The following EXD2 variants were observed in gnomAD, a reference collection of about 807,000 sequenced individuals.
The protein encoded by EXD2 is exonuclease 3'-5' domain-containing protein 2.
In EXD2, 40 loss-of-function variants were observed where a neutral mutation model predicts 62.5. That is an observed-to-expected ratio of 0.64 (90% confidence interval 0.50 to 0.83). The LOEUF is 0.83. Among genes scored for constraint, EXD2 ranks in the 40% least tolerant of loss-of-function variants. The pLI, the probability that EXD2 is intolerant of heterozygous loss-of-function variation, is 0.00. For synonymous variants in EXD2, 239 were observed against 291.9 expected, an observed-to-expected ratio of 0.82 and a Z score of 1.85; for missense variants, 671 against 761.8, an observed-to-expected ratio of 0.88 and a Z score of 1.40.
At chr14:69,233,167 G>A (rs901604928) in intron 5 of EXD2, among the ~76,000 whole-genome samples, 4 of 152,112 alleles carry the variant, frequency 2.6e-5, no homozygotes, top group African/African-American at 9.7e-5. Context: ...GAACTCTAAA[G>A]TCTTCTCATT....
chr14:69,210,230 T>C (rs560510783), intron 3 of EXD2: 4 of 156,094 alleles, frequency 2.6e-5, no homozygotes, highest in African/African-American at 9.6e-5. Context: ...TTAGCCACTG[T>C]TAATATTTGT....
chr14:69,236,394 C>T lies in EXD2; in HGVS notation c.1157-13C>T. 1 of 1,614,094 alleles carries T rather than the reference C, an allele frequency of 6.2e-7. No homozygotes were observed. Among genetic ancestry groups the T allele is most frequent in the Non-Finnish European group, 8.5e-7 (1 of 1,180,006 alleles). On this transcript the variant is annotated splice_polypyrimidine_tract_variant and intron_variant, in intron 7 of 9. Transcript: ENST00000685843. ...AGGGGGAGCAGTCAAACACTGATGTCTCTTCTCTTAAGAGCTGGTGAGTGA... is the reference window on the plus strand; with the variant it reads ...AGGGGGAGCAGTCAAACACTGATGTTTCTTCTCTTAAGAGCTGGTGAGTGA...
chr14:69,206,499 C>T (rs2042609106), intron 2 of EXD2, among the ~76,000 whole-genome samples: 1 of 110,714 alleles, frequency 9.0e-6, no homozygotes, highest in Non-Finnish European at 1.8e-5. Context: ...GATAGGGTCT[C>T]ACTCTCTCAC....
intron 1 of EXD2, among the ~76,000 whole-genome samples, chr14:69,198,402 G>GTC (rs2042279915): frequency 6.6e-6 from 1 of 152,066 alleles, no homozygotes; most frequent in South Asian, 2.1e-4. Context: ...CTTCTAACAG[G>GTC]TCTCTCTGCC....
intron 3 of EXD2, among the ~76,000 whole-genome samples, chr14:69,222,271 T>A (rs908170978): frequency 1.3e-5 from 2 of 152,160 alleles, no homozygotes; most frequent in Non-Finnish European, 2.9e-5. Flanking sequence ...AATAACCAAC[T>A]TTTTGCTTTG....
intron 1 of EXD2, among the ~76,000 whole-genome samples, chr14:69,200,942 C>T (rs1329800897): frequency 2.7e-5 from 4 of 150,900 alleles, no homozygotes; most frequent in East Asian, 2.0e-4. Context: ...GGTGTGGTGG[C>T]GGGCATCTGT....
chr14:69,228,215 G>C (rs1034591035), intron 3 of EXD2, among the ~76,000 whole-genome samples: 1 of 113,408 alleles, frequency 8.8e-6, no homozygotes, highest in African/African-American at 3.3e-5. Context: ...TTTTGAGACA[G>C]AGTTTCACTC....
chr14:69,199,781 A>G (rs1240903805), intron 1 of EXD2, among the ~76,000 whole-genome samples: 8 of 152,212 alleles, frequency 5.3e-5, no homozygotes, highest in Admixed American at 3.9e-4. Flanking sequence ...ATCTATGATA[A>G]CAATGCCTTC....
intron 3 of EXD2, among the ~76,000 whole-genome samples, chr14:69,227,105 C>T (rs1348070638): frequency 6.6e-6 from 1 of 152,180 alleles, no homozygotes; most frequent in African/African-American, 2.4e-5. Flanking sequence ...TTCTCAGCCT[C>T]CCCGCTATTG....
intron 3 of EXD2, among the ~76,000 whole-genome samples, chr14:69,226,513 T>C (rs2043368009): frequency 6.6e-6 from 1 of 152,140 alleles, no homozygotes; most frequent in Non-Finnish European, 1.5e-5. Context: ...TTTGGGAGGC[T>C]GAGATGGGCG....
At chr14:69,236,638 T>C in intron 8 of EXD2, 96 bp downstream of exon 8, 2 of 1,525,956 alleles carry the variant, frequency 1.3e-6, no homozygotes, top group Non-Finnish European at 1.8e-6. Flanking sequence ...GCTGAGTCTG[T>C]CCACTTTGGC....
intron 3 of EXD2, among the ~76,000 whole-genome samples, chr14:69,213,488 A>C (rs1300236632): frequency 2.1e-5 from 3 of 141,850 alleles, no homozygotes; most frequent in Non-Finnish European, 4.5e-5. Context: ...CTCCTGCCTC[A>C]GCCTCCTGAG....
intron 3 of EXD2, among the ~76,000 whole-genome samples, chr14:69,223,693 C>A (rs1420436924): frequency 1.3e-5 from 2 of 152,056 alleles, no homozygotes; most frequent in South Asian, 2.1e-4. Context: ...CATTAAATAC[C>A]TTTTTGATCC....
chr14:69,203,341 G>C (rs2042471917), intron 1 of EXD2, among the ~76,000 whole-genome samples: 1 of 151,928 alleles, frequency 6.6e-6, no homozygotes, highest in Non-Finnish European at 1.5e-5. Context: ...CTCCCAAAGT[G>C]CTGGGATTAC....
intron 9 of EXD2, among the ~76,000 whole-genome samples, chr14:69,240,145 G>A (rs1262193892): frequency 6.6e-6 from 1 of 152,184 alleles, no homozygotes; most frequent in Non-Finnish European, 1.5e-5. Context: ...TGAACATGGG[G>A]TATGGATGTA....
At chr14:69,218,532 A>G (rs2043062262) in intron 3 of EXD2, among the ~76,000 whole-genome samples, 1 of 152,152 alleles carries the variant, frequency 6.6e-6, no homozygotes, top group Admixed American at 6.5e-5. Flanking sequence ...CTTTAGTTTA[A>G]TTAGATCCCA....
intron 2 of EXD2, among the ~76,000 whole-genome samples, chr14:69,206,866 T>C (rs1233977096): frequency 6.6e-6 from 1 of 152,194 alleles, no homozygotes; most frequent in African/African-American, 2.4e-5. Flanking sequence ...TGTTTTACAT[T>C]TTTATCTTTT....
chr14:69,239,863 A>G (rs2140055108), intron 9 of EXD2, among the ~76,000 whole-genome samples: 1 of 152,310 alleles, frequency 6.6e-6, no homozygotes, highest in East Asian at 1.9e-4. Flanking sequence ...TGGCCTCCCA[A>G]AGTGCTGGGA....
At chr14:69,196,622 CTTT>C (rs3045582) in intron 1 of EXD2, among the ~76,000 whole-genome samples, 89 of 136,774 alleles carry the variant, frequency 6.5e-4, no homozygotes, top group East Asian at 1.3e-3. Flanking sequence ...ATTGCCAGCA[CTTT>C]TTTTTTTTTT....
Sources: allele counts gnomAD v4.1 joint callset (sites outside exome capture counted in the v4.1 genomes callset), GRCh38; gene constraint gnomAD v4.1.1; transcripts MANE v1.5; gene names NCBI Gene and HGNC (gene_info 2026-07-23, HGNC 2026-07-21).